Variants in BRF1 observed in about 807,000 individuals in gnomAD.
BRF1 encodes BRF1 general transcription factor IIIB subunit, also known as transcription factor IIIB 90 kDa subunit.
BRF1 carries 59 observed loss-of-function variants against 81.7 expected under a neutral mutation model. That is an observed-to-expected ratio of 0.72 (90% confidence interval 0.59 to 0.90). The LOEUF (loss-of-function observed/expected upper bound fraction) is 0.90. Ranked by LOEUF, BRF1 falls within the 40% of genes least tolerant of loss-of-function variation. The probability of loss-of-function intolerance (pLI) is 0.00; values close to 1 mark genes in which losing one functional copy is unlikely to be tolerated. For missense variants in BRF1, 1,050 were observed against 936.3 expected (o/e 1.12, Z -1.58); for synonymous variants, 491 against 395.6 (o/e 1.24, Z -2.86).
intron 15 of BRF1, among the ~76,000 whole-genome samples, chr14:105,215,616 C>T (rs1334225600): frequency 6.7e-6 from 1 of 148,420 alleles, no homozygotes; most frequent in Admixed American, 6.7e-5. Context: ...TACACAGAAA[C>T]AGGCACACAC....
intron 5 of BRF1, chr14:105,248,590 A>ACGGCGCCCCCCGCGGCCGGGC: frequency 1.0e-5 from 9 of 887,284 alleles, no homozygotes; most frequent in Non-Finnish European, 1.2e-5. Flanking sequence ...GGCGGGCGGG[A>ACGGCGCCCCCCGCGGCCGGGC]CGGCGCCCCC....
intron 3 of BRF1, among the ~76,000 whole-genome samples, chr14:105,260,424 T>G (rs1595411525): frequency 6.6e-6 from 1 of 151,458 alleles, no homozygotes; most frequent in Non-Finnish European, 1.5e-5. Context: ...CAGGCTGGAG[T>G]GCAATGGTAC....
chr14:105,228,702 A>G (rs2054211964), intron 7 of BRF1, 118 bp downstream of exon 7: 6 of 1,180,334 alleles, frequency 5.1e-6, no homozygotes, highest in Non-Finnish European at 6.1e-6. Context: ...GGTCCTGGCC[A>G]GCAGCCAGGC....
chr14:105,219,008 T>A lies in BRF1; in HGVS notation c.1505A>T (p.Lys502Met). Residue 502 changes from lysine to methionine, a missense_variant, in exon 14 of 18, where the codon AAG becomes ATG. Lys to Met is a moderately conservative substitution (Grantham distance 95). This residue lies in a region of BRF1 where 1,043 missense variants were observed against 915.4 expected (regional missense o/e 1.14). Coordinates refer to ENST00000547530, the MANE Select transcript of BRF1 (RefSeq NM_001519.4). ...GTCACAGGCGCCCACCTTGTGTTCC[T>A]TGTAGATGCCGAGCTCCTTCTCTTT... is the stretch of plus-strand genomic sequence containing the variant. ...IAKEKELGIYKEHKPKKSCKR... is the reference protein window; with the variant it reads ...IAKEKELGIYMEHKPKKSCKR... The A allele has an allele frequency of 6.2e-7, 1 of 1,613,858 alleles. No homozygotes were observed. The highest frequency in any genetic ancestry group is 8.5e-7 in the Non-Finnish European group (1 of 1,180,012).
intron 1 of BRF1, among the ~76,000 whole-genome samples, chr14:105,291,640 T>C (rs1370620200): frequency 6.6e-6 from 1 of 151,856 alleles, no homozygotes; most frequent in Non-Finnish European, 1.5e-5. Flanking sequence ...CAAGACTCTG[T>C]CAAAAAAAAA....
At chr14:105,227,995 G>A (rs931963449) in intron 7 of BRF1, 10 of 152,158 alleles carry the variant, frequency 6.6e-5, no homozygotes, top group Middle Eastern at 3.2e-3. Context: ...CGGTGCAGGC[G>A]AGCTGTGAGG....
chr14:105,278,014 A>G (rs776183630), intron 2 of BRF1, among the ~76,000 whole-genome samples: 2 of 152,172 alleles, frequency 1.3e-5, no homozygotes, highest in Non-Finnish European at 2.9e-5. Context: ...TCCGCCTCCC[A>G]AAGTGCTGGG....
intron 5 of BRF1, chr14:105,249,128 G>T (rs1309475357): frequency 3.3e-6 from 5 of 1,525,084 alleles, no homozygotes; most frequent in Non-Finnish European, 4.4e-6. Flanking sequence ...GCGCGCCCAC[G>T]CCCCCAGCCC....
rs968989406 is a variant in BRF1, at chr14:105,209,509, C to T, written c.*1042G>A. 2 of 702,228 alleles carry T rather than the reference C, an allele frequency of 2.8e-6. No homozygotes were observed. Among genetic ancestry groups the T allele is most frequent in the South Asian group, 1.5e-5 (1 of 67,566 alleles). The allele number at this position is 702,228 out of a possible 1,614,324, so 43.5% of individuals were successfully genotyped here. A position where few individuals can be genotyped will look rare whatever the true frequency, so the allele number is the denominator to read the frequency against. ...CACGGCTCTGCCTCAAGGCCACCCC[C>T]TCCTAAGGACACAGGGTGAAGCCCC... On this transcript the variant is annotated 3_prime_UTR_variant, in exon 18 of 18. Transcript: ENST00000547530.
chr14:105,295,877 A>C (rs889938505), intron 1 of BRF1, among the ~76,000 whole-genome samples: 1 of 151,712 alleles, frequency 6.6e-6, no homozygotes, highest in African/African-American at 2.4e-5. Flanking sequence ...TTAGAAGTTC[A>C]AGACCAGCCT....
At chr14:105,261,544 C>G (rs1416096485) in intron 3 of BRF1, among the ~76,000 whole-genome samples, 1 of 152,148 alleles carries the variant, frequency 6.6e-6, no homozygotes, top group Non-Finnish European at 1.5e-5. Context: ...GCAGATGGGT[C>G]CTGACTCAGA....
At chr14:105,293,111 G>T (rs1405079993) in intron 1 of BRF1, among the ~76,000 whole-genome samples, 1 of 152,176 alleles carries the variant, frequency 6.6e-6, no homozygotes, top group Non-Finnish European at 1.5e-5. Flanking sequence ...GCAGAAGCCT[G>T]GAGCCTTCCA....
chr14:105,307,050 T>C (rs1421882229), intron 1 of BRF1, among the ~76,000 whole-genome samples: 1 of 151,360 alleles, frequency 6.6e-6, no homozygotes, highest in Non-Finnish European at 1.5e-5. Context: ...TTTTCTTTTT[T>C]TCTTTTTTTT....
rs373572870 is a variant in BRF1, at chr14:105,247,592, G to A, written c.544+4915C>T. 1.1e-5 allele frequency: 11 copies of A among 985,484 alleles called. No homozygotes were observed. The African/African-American group carries it at 1.9e-4, about 17-fold the overall frequency. The allele number at this position is 985,484 out of a possible 1,614,324, so 61.0% of individuals were successfully genotyped here. A position where few individuals can be genotyped will look rare whatever the true frequency, so the allele number is the denominator to read the frequency against. ...TCACTACAACTGTAACGACCACAGA[G>A]ACACAGAGCTCCTGTTCACTGTTTA... is the stretch of plus-strand genomic sequence containing the variant. On this transcript the variant is annotated intron_variant, in intron 5 of 17. Coordinates refer to ENST00000547530, the MANE Select transcript of BRF1 (RefSeq NM_001519.4).
At chr14:105,244,947 C>CAA (rs764309466) in intron 5 of BRF1, among the ~76,000 whole-genome samples, 6 of 130,416 alleles carry the variant, frequency 4.6e-5, no homozygotes, top group Non-Finnish European at 6.6e-5. Flanking sequence ...ACCCCAAGTG[C>CAA]AAAAAAAAAA....
intron 16 of BRF1, 117 bp downstream of exon 16, chr14:105,211,996 G>A (rs894515112): frequency 5.6e-6 from 8 of 1,429,660 alleles, no homozygotes; most frequent in South Asian, 1.2e-5. Context: ...GGGGCAGCAG[G>A]GGCAGGCGCC....
chr14:105,265,054 G>GTTTTTTTTTTT (rs587673120), intron 3 of BRF1, among the ~76,000 whole-genome samples: 2 of 130,110 alleles, frequency 1.5e-5, no homozygotes, highest in African/African-American at 3.0e-5. Flanking sequence ...CCTTTTTTTT[G>GTTTTTTTTTTT]TTTTTTTTTT....
intron 2 of BRF1, among the ~76,000 whole-genome samples, chr14:105,279,580 T>A (rs1012139067): frequency 2.6e-5 from 4 of 152,200 alleles, no homozygotes; most frequent in African/African-American, 9.7e-5. Context: ...GCGGAGCCAC[T>A]GGGACTCTCC....
intron 5 of BRF1, chr14:105,248,562 T>TACGGGCTCGG: frequency 6.6e-6 from 2 of 301,572 alleles, no homozygotes; most frequent in Non-Finnish European, 7.9e-6. Context: ...CCGCGGCGGG[T>TACGGGCTCGG]ACGGGCTCGG....
Sources: gnomAD v4.1 joint callset for allele counts (sites outside exome capture counted in the v4.1 genomes callset) on GRCh38, gnomAD v4.1.1 for gene constraint, gnomAD v4.1.1 regional missense constraint, MANE v1.5 for transcripts, NCBI Gene and HGNC (gene_info 2026-07-23, HGNC 2026-07-21) for gene names.